Variants in RPS6KA2 observed in about 807,000 individuals in gnomAD.
RPS6KA2 encodes the protein ribosomal protein S6 kinase A2.
RPS6KA2 carries 42 observed loss-of-function variants against 91.8 expected under a neutral mutation model. The observed-to-expected ratio is 0.46, with a 90% CI of 0.36 to 0.59. RPS6KA2 has a LOEUF of 0.59. Ranked by LOEUF, RPS6KA2 falls within the 20% of genes least tolerant of loss-of-function variation. The probability of loss-of-function intolerance (pLI) is 0.00; values close to 1 mark genes in which losing one functional copy is unlikely to be tolerated. For missense variants in RPS6KA2, 798 were observed against 978.5 expected (o/e 0.82, Z 2.46); for synonymous variants, 414 against 393.6 (o/e 1.05, Z -0.61).
Position 166,490,648 on chromosome 6 carries a change from G to C in RPS6KA2, c.818+23C>G, listed in dbSNP as rs1002858187. The C allele has an allele frequency of 1.9e-6, 3 of 1,572,134 alleles. No individual in the cohort carries two copies. Among genetic ancestry groups the C allele is most frequent in the Admixed American group, 1.7e-5 (1 of 58,474 alleles). On this transcript the variant is annotated intron_variant, in intron 9 of 20. Coordinates refer to ENST00000265678, the MANE Select transcript of RPS6KA2 (RefSeq NM_021135.6). This position sits in a 1 kb window ranked among gnomAD's most constrained non-coding sequence, Gnocchi z 4.2. ...TATCAGAAGGTGCTCGCAGGTCTCT[G>C]GGGTGGCTCCCACACTACTCACTTG...
intron 15 of RPS6KA2, among the ~76,000 whole-genome samples, chr6:166,431,478 G>C (rs1298548266): frequency 6.6e-6 from 1 of 152,250 alleles, no homozygotes; most frequent in Non-Finnish European, 1.5e-5. Context: ...GGAGCACAGA[G>C]AGGCTAGGCA....
chr6:166,470,582 C>T (rs567157150), intron 10 of RPS6KA2, among the ~76,000 whole-genome samples: 6 of 152,240 alleles, frequency 3.9e-5, no homozygotes, highest in East Asian at 1.9e-4. Context: ...GTAGGCGGAG[C>T]GCTGGGGGCC....
At position 166,612,662 on chromosome 6, in the gene RPS6KA2, T is replaced by C. The variant is rs779659929; in HGVS notation, c.99+14259A>G. Among the ~76,000 whole-genome samples, 4 of 152,138 alleles carry C rather than the reference T, an allele frequency of 2.6e-5. No individual in the cohort carries two copies. Among genetic ancestry groups the C allele is most frequent in the Non-Finnish European group, 4.4e-5 (3 of 67,978 alleles). On this transcript the variant is annotated intron_variant, in intron 1 of 20. Transcript: ENST00000265678. The surrounding 1 kb of genome is among the most constrained non-coding windows in gnomAD (Gnocchi z 4.3). ...GGGCTGTGCTCCATTTATCACTCTGTCCGGGCGTCTGTTGTTACCCATGCT... is the reference window on the plus strand; with the variant it reads ...GGGCTGTGCTCCATTTATCACTCTGCCCGGGCGTCTGTTGTTACCCATGCT...
At chr6:166,610,824 G>A (rs1232457668) in intron 1 of RPS6KA2, among the ~76,000 whole-genome samples, 2 of 152,178 alleles carry the variant, frequency 1.3e-5, no homozygotes, top group South Asian at 2.1e-4. Flanking sequence ...TAACAGAATA[G>A]TTTTTAAAAC....
chr6:166,492,401 G>T (rs1168966236), intron 8 of RPS6KA2, among the ~76,000 whole-genome samples: 1 of 152,220 alleles, frequency 6.6e-6, no homozygotes, highest in Non-Finnish European at 1.5e-5. Flanking sequence ...TGAGCTGTTT[G>T]TCTGGTAAAA....
intron 1 of RPS6KA2, among the ~76,000 whole-genome samples, chr6:166,615,983 G>A (rs1205622719): frequency 6.6e-6 from 1 of 152,136 alleles, no homozygotes; most frequent in Non-Finnish European, 1.5e-5. Context: ...AAATGACGAC[G>A]CTTTTTAGAC....
chr6:166,473,876 T>C (rs189872005), intron 10 of RPS6KA2, among the ~76,000 whole-genome samples: 3 of 151,884 alleles, frequency 2.0e-5, no homozygotes, highest in African/African-American at 7.2e-5. Flanking sequence ...TTGACTTAAA[T>C]ACTAGGTCTG....
intron 5 of RPS6KA2, among the ~76,000 whole-genome samples, chr6:166,505,467 G>A (rs1782173786): frequency 6.6e-6 from 1 of 152,324 alleles, no homozygotes; most frequent in East Asian, 1.9e-4. Flanking sequence ...GCAAAATCAT[G>A]ACCACAAGCC....
intron 1 of RPS6KA2, among the ~76,000 whole-genome samples, chr6:166,597,109 C>T (rs766603613): frequency 5.9e-5 from 9 of 152,104 alleles, no homozygotes; most frequent in East Asian, 1.9e-4. Context: ...CCCACGAAAA[C>T]GAGACCAAGT....
chr6:166,833,718 A>G (rs748404353), intron 2 of RPS6KA2, among the ~76,000 whole-genome samples: 3 of 152,196 alleles, frequency 2.0e-5, no homozygotes, highest in Non-Finnish European at 2.9e-5. Flanking sequence ...ATTGCAGAGA[A>G]GTGTCCCAAG....
chr6:166,487,084 C>T (rs946095013), intron 10 of RPS6KA2, among the ~76,000 whole-genome samples: 2 of 152,210 alleles, frequency 1.3e-5, no homozygotes. Flanking sequence ...CTTCGGCAAA[C>T]ACCGTTTATT....
At chr6:166,649,754 G>A (rs1787789515) in intron 2 of RPS6KA2, among the ~76,000 whole-genome samples, 1 of 152,154 alleles carries the variant, frequency 6.6e-6, no homozygotes, top group African/African-American at 2.4e-5. Context: ...CAGACCCCGG[G>A]GGGTTTTCGT....
chr6:166,549,965 A>T (rs1583269673), intron 1 of RPS6KA2, among the ~76,000 whole-genome samples: 2 of 152,336 alleles, frequency 1.3e-5, no homozygotes, highest in South Asian at 4.1e-4. Context: ...TAAAAATTTT[A>T]AAAATGGTAA....
At chr6:166,529,957 T>G (rs987250389) in intron 3 of RPS6KA2, among the ~76,000 whole-genome samples, 1 of 152,244 alleles carries the variant, frequency 6.6e-6, no homozygotes, top group African/African-American at 2.4e-5. Context: ...CTAACTCACT[T>G]GGAAGAGCTC....
At chr6:166,610,732 AAAT>A (rs1397596496) in intron 1 of RPS6KA2, among the ~76,000 whole-genome samples, 1 of 152,392 alleles carries the variant, frequency 6.6e-6, no homozygotes, top group East Asian at 1.9e-4. Context: ...AGTGGTAAAG[AAAT>A]AATGTTACCA....
intron 11 of RPS6KA2, among the ~76,000 whole-genome samples, chr6:166,467,011 T>C (rs955099757): frequency 6.8e-6 from 1 of 146,700 alleles, no homozygotes; most frequent in Non-Finnish European, 1.5e-5. Context: ...CCTTTACTCA[T>C]TCATTCACTC....
intron 19 of RPS6KA2, among the ~76,000 whole-genome samples, chr6:166,417,858 G>A (rs1482665728): frequency 6.6e-6 from 1 of 152,080 alleles, no homozygotes; most frequent in Non-Finnish European, 1.5e-5. Context: ...TTGAGGTCAG[G>A]AGTTCAAGAC....
chr6:166,514,654 C>CT (rs1782580852), intron 3 of RPS6KA2, among the ~76,000 whole-genome samples: 1 of 152,140 alleles, frequency 6.6e-6, no homozygotes, highest in Non-Finnish European at 1.5e-5. Context: ...TGTTTAGGGC[C>CT]TCTAGATTTA....
Position 166,849,513 on chromosome 6 carries a change from G to A in RPS6KA2, c.123+8687C>T, listed in dbSNP as rs886222401. ...TAAAAGAAGAAGGGAGGGTGAGGTGGGGGCGGATCAGCTTGAGTCACCACG... is the reference window on the plus strand; with the variant it reads ...TAAAAGAAGAAGGGAGGGTGAGGTGAGGGCGGATCAGCTTGAGTCACCACG... On this transcript the variant is annotated intron_variant, in intron 2 of 21. Coordinates refer to the RPS6KA2 transcript ENST00000503859. This position sits in a 1 kb window ranked among gnomAD's most constrained non-coding sequence, Gnocchi z 4.9. Among the ~76,000 whole-genome samples, 2 of 152,198 alleles carry A rather than the reference G, an allele frequency of 1.3e-5. No homozygotes were observed. Among genetic ancestry groups the A allele is most frequent in the African/African-American group, 4.8e-5 (2 of 41,448 alleles).
Sources: allele counts gnomAD v4.1 joint callset (sites outside exome capture counted in the v4.1 genomes callset), GRCh38; gene constraint gnomAD v4.1.1; non-coding constraint Gnocchi (gnomAD v3.1); transcripts MANE v1.5; gene names NCBI Gene and HGNC (gene_info 2026-07-23, HGNC 2026-07-21).